The following PDCD1LG2 variants were observed in gnomAD, a reference collection of about 807,000 sequenced individuals.
The protein encoded by PDCD1LG2 is programmed cell death 1 ligand 2.
Under a neutral mutation model 28.2 loss-of-function variants are expected in PDCD1LG2, and 32 were observed. The observed-to-expected ratio is 1.13, with a 90% CI of 0.86 to 1.52. The LOEUF (loss-of-function observed/expected upper bound fraction) is 1.52. Ranked by LOEUF, PDCD1LG2 falls within the 40% of genes most tolerant of loss-of-function variation. PDCD1LG2 has a pLI of 0.00. For synonymous variants in PDCD1LG2, 116 were observed against 120.2 expected, an observed-to-expected ratio of 0.97 and a Z score of 0.23; for missense variants, 385 against 323.8, an observed-to-expected ratio of 1.19 and a Z score of -1.45.
chr9:5,562,219 A>C (rs1246646842), intron 5 of PDCD1LG2, among the ~76,000 whole-genome samples: 1 of 152,236 alleles, frequency 6.6e-6, no homozygotes, highest in Non-Finnish European at 1.5e-5. Flanking sequence ...TCATGATTGC[A>C]AAGATATGAA....
At chr9:5,519,167 C>G (rs942095838) in intron 1 of PDCD1LG2, among the ~76,000 whole-genome samples, 4 of 152,082 alleles carry the variant, frequency 2.6e-5, no homozygotes, top group African/African-American at 9.7e-5. Context: ...TTAGGATTAG[C>G]TGATATAAAT....
intron 3 of PDCD1LG2, 35 bp from the exon 4 acceptor site, chr9:5,549,300 T>C (rs1816274872): frequency 6.4e-7 from 1 of 1,572,006 alleles, no homozygotes; most frequent in Non-Finnish European, 8.7e-7. Context: ...AATCAGAAAA[T>C]AAAGTCTTAT....
chr9:5,555,430 T>A (rs755450494), intron 4 of PDCD1LG2, among the ~76,000 whole-genome samples: 15 of 152,082 alleles, frequency 9.9e-5, no homozygotes, highest in South Asian at 6.2e-4. Context: ...ATAAATAAAT[T>A]AATTAATTAA....
intron 2 of PDCD1LG2, among the ~76,000 whole-genome samples, chr9:5,527,307 C>CA (rs1337831023): frequency 6.6e-6 from 1 of 152,126 alleles, no homozygotes; most frequent in Non-Finnish European, 1.5e-5. Flanking sequence ...AACAAACAAA[C>CA]AAAAAGCTTC....
At chr9:5,531,023 G>C (rs1025681549) in intron 2 of PDCD1LG2, among the ~76,000 whole-genome samples, 11 of 152,288 alleles carry the variant, frequency 7.2e-5, no homozygotes, top group Middle Eastern at 3.4e-3. Flanking sequence ...CTAATGGTTC[G>C]CAATACTGTC....
intron 1 of PDCD1LG2, among the ~76,000 whole-genome samples, chr9:5,521,565 T>C (rs1820275193): frequency 6.6e-6 from 1 of 152,114 alleles, no homozygotes; most frequent in African/African-American, 2.4e-5. Flanking sequence ...CTAACCGATC[T>C]CACTGCTTGT....
chr9:5,567,253 A>G (rs1267347913), intron 6 of PDCD1LG2, among the ~76,000 whole-genome samples: 1 of 152,206 alleles, frequency 6.6e-6, no homozygotes, highest in Non-Finnish European at 1.5e-5. Context: ...GCACAGCTAA[A>G]TGTGATGGAT....
At chr9:5,529,763 T>A (rs1167569548) in intron 2 of PDCD1LG2, among the ~76,000 whole-genome samples, 1 of 152,166 alleles carries the variant, frequency 6.6e-6, no homozygotes, top group Non-Finnish European at 1.5e-5. Context: ...CCTAGGTTAC[T>A]CCACTTCGCC....
At chr9:5,550,445 C>T (rs1816307041) in intron 4 of PDCD1LG2, among the ~76,000 whole-genome samples, 1 of 152,216 alleles carries the variant, frequency 6.6e-6, no homozygotes, top group African/African-American at 2.4e-5. Context: ...TTACCACAAG[C>T]TTCACAGTTT....
chr9:5,525,779 TG>T (rs1820362898), intron 2 of PDCD1LG2, among the ~76,000 whole-genome samples: 1 of 152,134 alleles, frequency 6.6e-6, no homozygotes. Flanking sequence ...CCGGGCATGG[TG>T]GCTCACGCCT....
intron 3 of PDCD1LG2, among the ~76,000 whole-genome samples, chr9:5,541,750 T>C (rs1489791357): frequency 1.3e-5 from 2 of 151,886 alleles, no homozygotes; most frequent in Non-Finnish European, 2.9e-5. Context: ...ACTTTGTAGA[T>C]TGCAAAAGCA....
intron 1 of PDCD1LG2, among the ~76,000 whole-genome samples, chr9:5,517,960 A>G (rs1820198852): frequency 6.6e-6 from 1 of 152,198 alleles, no homozygotes; most frequent in African/African-American, 2.4e-5. Context: ...TAAGAAGCTG[A>G]ATTAAGGTGA....
intron 2 of PDCD1LG2, among the ~76,000 whole-genome samples, chr9:5,533,332 T>C (rs1820518470): frequency 6.6e-6 from 1 of 152,240 alleles, no homozygotes; most frequent in Non-Finnish European, 1.5e-5. Flanking sequence ...GGCCACTCCT[T>C]ATGCTTTTTT....
rs1586789759 is a variant in PDCD1LG2 at position 5,516,129 on chromosome 9, G to T, written c.-15+5326G>T. Reference sequence around the variant, plus strand: ...TGCAGTGGCGCAATCTCGGCTCACTGCAACCTCTGCCTCCCGGGTTCAAGC... The same window carrying T: ...TGCAGTGGCGCAATCTCGGCTCACTTCAACCTCTGCCTCCCGGGTTCAAGC... On this transcript the variant is annotated intron_variant, in intron 1 of 6. Coordinates refer to ENST00000397747, the MANE Select transcript of PDCD1LG2 (RefSeq NM_025239.4). Among the ~76,000 whole-genome samples, 7 of 151,836 alleles carry T rather than the reference G, an allele frequency of 4.6e-5. No individual in the cohort carries two copies. The South Asian group carries it at 1.5e-3, about 32-fold the overall frequency.
chr9:5,531,667 G>A (rs564842606), intron 2 of PDCD1LG2, among the ~76,000 whole-genome samples: 25 of 152,240 alleles, frequency 1.6e-4, no homozygotes, highest in South Asian at 6.2e-4. Flanking sequence ...AGTTATAGGC[G>A]TTCCCTTTCT....
At chr9:5,511,919 T>G (rs982777065) in intron 1 of PDCD1LG2, among the ~76,000 whole-genome samples, 3 of 152,200 alleles carry the variant, frequency 2.0e-5, no homozygotes, top group African/African-American at 7.2e-5. Context: ...CCTAGTGCAG[T>G]ACCTGGCAAT....
In PDCD1LG2 at chr9:5,526,622, G is replaced by A. The variant is rs564488982; in HGVS notation, c.55+4021G>A. On this transcript the variant is annotated intron_variant, in intron 2 of 6. Transcript: ENST00000397747. ...CTGGCTAATTTTTTAAACATTTTTA[G>A]TGATGGGGTCTTGCTATGTTACACA... is the stretch of plus-strand genomic sequence containing the variant. 6.4e-4 allele frequency among the ~76,000 whole-genome samples: 97 copies of A among 152,186 alleles called. 1 individual carries two copies. The highest frequency in any genetic ancestry group is 5.4e-3 in the Admixed American group (83 of 15,284).
chr9:5,527,275 C>G (rs143035843), intron 2 of PDCD1LG2, among the ~76,000 whole-genome samples: 396 of 152,308 alleles, frequency 2.6e-3, no homozygotes, highest in Non-Finnish European at 4.9e-3. Context: ...ACATCCAGGA[C>G]AGTTCCATCC....
chr9:5,514,134 G>A (rs1820111564), intron 1 of PDCD1LG2, among the ~76,000 whole-genome samples: 1 of 152,202 alleles, frequency 6.6e-6, no homozygotes, highest in African/African-American at 2.4e-5. Flanking sequence ...ACAAAGGAAT[G>A]ATTTGCTAGG....
Sources: allele counts gnomAD v4.1 joint callset (sites outside exome capture counted in the v4.1 genomes callset), GRCh38; gene constraint gnomAD v4.1.1; transcripts MANE v1.5; gene names NCBI Gene and HGNC (gene_info 2026-07-23, HGNC 2026-07-21).